Variants in MACF1 observed in about 807,000 individuals in gnomAD.
MACF1 encodes the protein microtubule actin crosslinking factor 1.
MACF1 carries 193 observed loss-of-function variants against 854.8 expected under a neutral mutation model. The ratio of observed to expected loss-of-function variants is 0.23; its 90% CI spans 0.20 to 0.25. MACF1 has a LOEUF of 0.25. Ranked by LOEUF, MACF1 falls within the 10% of genes least tolerant of loss-of-function variation. The pLI is 1.00. For synonymous variants in MACF1, 3,185 were observed against 3,226.7 expected, an observed-to-expected ratio of 0.99 and a Z score of 0.44; for missense variants, 7,722 against 8,929.1, an observed-to-expected ratio of 0.86 and a Z score of 5.45.
intron 99 of MACF1, among the ~76,000 whole-genome samples, chr1:39,482,421 G>A (rs984670592): frequency 6.6e-6 from 1 of 152,138 alleles, no homozygotes; most frequent in African/African-American, 2.4e-5. Context: ...CGTCTTAAAG[G>A]TCCTGGAAAA....
rs371762305 is a variant in MACF1, at chr1:39,379,181, AT to A, written c.13277-19del. The A allele has an allele frequency of 3.9e-5, 60 of 1,548,336 alleles. No individual in the cohort carries two copies. In the African/African-American group the frequency reaches 7.8e-4, roughly 20 times the overall value. On this transcript the variant is annotated intron_variant, in intron 53 of 100. Coordinates refer to ENST00000564288, the MANE Select transcript of MACF1 (RefSeq NM_001394062.1). ...TACTCGAAGAGCTGTCTCCAATCTG[AT>A]TTCTGTTTCTATGATACTAGATCTG...
In MACF1 at chr1:39,337,298, G is replaced by C. The variant is rs1271492795; in HGVS notation, c.10182G>C (p.Leu3394=). Residue 3394 remains leucine (L), a synonymous_variant, in exon 38 of 101, where the codon CTG becomes CTC. Coordinates refer to ENST00000564288, the MANE Select transcript of MACF1 (RefSeq NM_001394062.1). ...AGATTCAACCTTTGGAGCTAAACCTGGCAGAACTACAGGATCTGCTGTGTC... is the reference window on the plus strand; with the variant it reads ...AGATTCAACCTTTGGAGCTAAACCTCGCAGAACTACAGGATCTGCTGTGTC... ...TKQIQPLELN[L]AELQDLLCQA... The C allele has an allele frequency of 6.2e-7, 1 of 1,613,970 alleles. No individual in the cohort carries two copies. The highest frequency in any genetic ancestry group is 1.1e-5 in the South Asian group (1 of 91,056).
chr1:39,295,658 C>G, intron 19 of MACF1, 129 bp from the exon 20 acceptor site: 1 of 656,674 alleles, frequency 1.5e-6, no homozygotes, highest in Non-Finnish European at 2.6e-6. Context: ...AGATGCCAGT[C>G]AAGTATCTCC....
At chr1:39,300,505 T>C in intron 22 of MACF1, 143 bp downstream of exon 22, 4 of 726,706 alleles carry the variant, frequency 5.5e-6, no homozygotes, top group Non-Finnish European at 7.5e-6. Flanking sequence ...TCTCCTATCA[T>C]TTAAAAAAAA....
chr1:39,424,886 T>C (rs898346408), intron 61 of MACF1, among the ~76,000 whole-genome samples: 1 of 152,234 alleles, frequency 6.6e-6, no homozygotes, highest in Non-Finnish European at 1.5e-5. Context: ...TTGTATCCTT[T>C]ACATTTCCTA....
At chr1:39,169,071 A>G (rs1251848996) in intron 2 of MACF1, among the ~76,000 whole-genome samples, 1 of 152,050 alleles carries the variant, frequency 6.6e-6, no homozygotes, top group East Asian at 1.9e-4. Context: ...CATCAACCCC[A>G]TTTTCAATCT....
At position 39,297,656 on chromosome 1, in the gene MACF1, A is replaced by G. The variant is rs1490097621; in HGVS notation, c.2392A>G (p.Arg798Gly). The G allele has an allele frequency of 1.2e-6, 2 of 1,614,192 alleles. No individual in the cohort carries two copies. Among genetic ancestry groups the G allele is most frequent in the Non-Finnish European group, 1.7e-6 (2 of 1,180,026 alleles). The change falls in exon 21 of 101, where the codon AGG becomes GGG. Residue 798 changes from arginine to glycine, a missense_variant. Arg to Gly is a moderately radical substitution (Grantham distance 125). Around this residue, in one of 15 missense-constraint regions of MACF1, gnomAD observed 1,137 missense variants for 1,263.0 expected, o/e 0.90. Transcript: ENST00000564288. ...SDARELESFL[R>G]NLQDSIKRKY... ...TGCACGAGAGCTGGAGTCATTCTTG[A>G]GGAACCTCCAAGATTCCATTAAACG...
At chr1:39,237,023 T>G (rs2254552) in intron 2 of MACF1, among the ~76,000 whole-genome samples, 136,565 of 152,282 alleles carry the variant, frequency 0.9, 62,588 homozygotes, top group South Asian at 0.99. Context: ...ACCTAACTCT[T>G]TCCTGATGTA....
rs56799242 is a variant in MACF1, at chr1:39,417,713, A to ATTTTTTTTTTTT, written c.15817-4636_15817-4625dup. The stretch of plus-strand genomic sequence containing the variant: ...AGGAATGTGCCACCACACCCAGTTA[A>ATTTTTTTTTTTT]TTTTTTTTTTTTTTTTTTTTTTTTT... On this transcript the variant is annotated intron_variant, in intron 58 of 100. Transcript: ENST00000564288. 2.0e-4 allele frequency among the ~76,000 whole-genome samples: 11 copies of ATTTTTTTTTTTT among 55,832 alleles called. 1 individual carries two copies. The highest frequency in any genetic ancestry group is 2.3e-4 in the Non-Finnish European group (6 of 25,998). 36.6% of individuals were successfully genotyped at this position (55,832 alleles called of 152,430 possible).
intron 97 of MACF1, among the ~76,000 whole-genome samples, chr1:39,473,674 TG>T (rs1644820768): frequency 6.9e-6 from 1 of 145,900 alleles, no homozygotes; most frequent in African/African-American, 2.6e-5. Context: ...TCATGAAGGT[TG>T]CGAGATCCAT....
chr1:39,431,012 C>T, intron 66 of MACF1, 104 bp downstream of exon 66: 2 of 1,001,862 alleles, frequency 2.0e-6, no homozygotes, highest in South Asian at 1.4e-5. Flanking sequence ...AGAATGGGCT[C>T]AAGCTAAATC....
intron 2 of MACF1, among the ~76,000 whole-genome samples, chr1:39,243,075 G>C (rs149259651): frequency 6.6e-6 from 1 of 152,106 alleles, no homozygotes; most frequent in African/African-American, 2.4e-5. Flanking sequence ...AGTGTATGAG[G>C]GTTCTAGATT....
chr1:39,256,852 A>G (rs1377415924), intron 5 of MACF1, among the ~76,000 whole-genome samples: 1 of 150,812 alleles, frequency 6.6e-6, no homozygotes, highest in Non-Finnish European at 1.5e-5. Context: ...GAGGGAAGAG[A>G]GGCATCTCTC....
At chr1:39,345,919 A>C (rs954021535) in intron 40 of MACF1, among the ~76,000 whole-genome samples, 2 of 152,118 alleles carry the variant, frequency 1.3e-5, no homozygotes, top group Non-Finnish European at 2.9e-5. Flanking sequence ...AATACAAAAA[A>C]TTAGCCAGGC....
At chr1:39,307,907 T>C (rs1469140163) in intron 23 of MACF1, among the ~76,000 whole-genome samples, 4 of 121,788 alleles carry the variant, frequency 3.3e-5, no homozygotes, top group South Asian at 5.8e-4. Flanking sequence ...CTTTCTTTTT[T>C]TTTTTTTTTT....
At position 39,444,776 on chromosome 1, in the gene MACF1, A is replaced by G; in HGVS notation, c.19546A>G (p.Ser6516Gly). 1 of 1,613,960 alleles carries G rather than the reference A, an allele frequency of 6.2e-7. No homozygotes were observed. Among genetic ancestry groups the G allele is most frequent in the Non-Finnish European group, 8.5e-7 (1 of 1,179,820 alleles). The change falls in exon 80 of 101, where the codon AGT becomes GGT. Residue 6516 changes from serine (S) to glycine (G), a missense_variant. Physicochemically the swap from Ser to Gly is moderately conservative, Grantham distance 56 (BLOSUM62 0). Around this residue, in one of 15 missense-constraint regions of MACF1, gnomAD observed 729 missense variants for 900.5 expected, o/e 0.81. Coordinates refer to ENST00000564288, the MANE Select transcript of MACF1 (RefSeq NM_001394062.1). ...TGGGTCTGGCTCCAAGACAGAACAG[A>G]GTGTAGCACTTTTGGAGCAGAAGTG... ...DSGSGSKTEQ[S>G]VALLEQKWHV... is the part of the protein sequence containing the mutation.
At chr1:39,234,727 G>T (rs1257481075) in intron 2 of MACF1, among the ~76,000 whole-genome samples, 1 of 138,664 alleles carries the variant, frequency 7.2e-6, no homozygotes, top group African/African-American at 2.6e-5. Flanking sequence ...CTGCCGGGCG[G>T]AGGGGCTCCT....
intron 40 of MACF1, among the ~76,000 whole-genome samples, chr1:39,344,346 C>T (rs1305028601): frequency 1.3e-5 from 2 of 151,324 alleles, no homozygotes; most frequent in Non-Finnish European, 2.9e-5. Flanking sequence ...GCAGGAGAAT[C>T]GCTTGAACCC....
At chr1:39,104,121 G>A (rs1238168607) in intron 2 of MACF1, among the ~76,000 whole-genome samples, 1 of 152,142 alleles carries the variant, frequency 6.6e-6, no homozygotes, top group African/African-American at 2.4e-5. Context: ...CTTATTGTGA[G>A]ATCAGCCAGT....
Sources: allele counts gnomAD v4.1 joint callset (sites outside exome capture counted in the v4.1 genomes callset), GRCh38; gene constraint gnomAD v4.1.1; regional missense constraint gnomAD v4.1.1; transcripts MANE v1.5; gene names NCBI Gene and HGNC (gene_info 2026-07-23, HGNC 2026-07-21).